The following TENM2 variants were observed in gnomAD, a reference collection of about 807,000 sequenced individuals.
The protein encoded by TENM2 is teneurin transmembrane protein 2.
In TENM2, 52 loss-of-function variants were observed where a neutral mutation model predicts 245.2. The ratio of observed to expected loss-of-function variants is 0.21; its 90% CI spans 0.17 to 0.27. The LOEUF (loss-of-function observed/expected upper bound fraction) is 0.27. Ranked by LOEUF, TENM2 falls within the 10% of genes least tolerant of loss-of-function variation. The pLI is 1.00. For missense variants in TENM2, 3,046 were observed against 3,666.8 expected (o/e 0.83, Z 4.37); for synonymous variants, 1,363 against 1,438.9 (o/e 0.95, Z 1.19).
At chr5:167,286,337 G>T (rs942927287) in intron 1 of TENM2, among the ~76,000 whole-genome samples, 1 of 152,118 alleles carries the variant, frequency 6.6e-6, no homozygotes, top group African/African-American at 2.4e-5. Flanking sequence ...CCTCCTCCAT[G>T]AGAAAATGGG....
At chr5:167,078,530 C>T in the TENM2 span, among the ~76,000 whole-genome samples, 5 of 149,732 alleles carry the variant, frequency 3.3e-5, no homozygotes, top group Non-Finnish European at 5.9e-5. Flanking sequence ...CAACAAGGCA[C>T]GTTAATAAGG....
chr5:167,766,722 C>T (rs1763048373), intron 2 of TENM2, among the ~76,000 whole-genome samples: 1 of 151,568 alleles, frequency 6.6e-6, no homozygotes, highest in African/African-American at 2.4e-5. Flanking sequence ...ACTAAAAATA[C>T]AAAAAAATTA....
chr5:168,060,135 C>G lies in TENM2; in HGVS notation c.1310-1925C>G, dbSNP rs147708123. Among the ~76,000 whole-genome samples, 147 of 151,912 alleles carry G rather than the reference C, an allele frequency of 9.7e-4. 1 individual carries two copies. Among genetic ancestry groups the G allele is most frequent in the Middle Eastern group, 6.8e-3 (2 of 294 alleles). On this transcript the variant is annotated intron_variant, in intron 6 of 28. Coordinates refer to ENST00000518659, the Ensembl canonical transcript of TENM2. ...GGGTGTGGTGGCTCACAGAGGTAAT[C>G]CCAGCATTTTGGGAGGCCAAAGCTG... is the stretch of plus-strand genomic sequence containing the variant.
chr5:167,136,024 A>G, the TENM2 span, among the ~76,000 whole-genome samples: 1 of 152,332 alleles, frequency 6.6e-6, no homozygotes, highest in East Asian at 1.9e-4. Context: ...ACTTATTAGT[A>G]TATTACACAA....
the TENM2 span, among the ~76,000 whole-genome samples, chr5:167,278,804 A>C: frequency 1.6e-4 from 24 of 152,276 alleles, no homozygotes; most frequent in African/African-American, 5.8e-4. Flanking sequence ...TGCTTCAACT[A>C]TCAAAAAATT....
chr5:167,750,062 G>A (rs1373511125), intron 2 of TENM2, among the ~76,000 whole-genome samples: 1 of 152,144 alleles, frequency 6.6e-6, no homozygotes, highest in Non-Finnish European at 1.5e-5. Flanking sequence ...GCATACCGGG[G>A]TGAACTGCAG....
intron 23 of TENM2, among the ~76,000 whole-genome samples, chr5:168,223,750 C>T (rs1258330684): frequency 1.3e-5 from 2 of 152,142 alleles, no homozygotes; most frequent in African/African-American, 2.4e-5. Flanking sequence ...ATTACGGGCA[C>T]AAGCCACCAT....
intron 4 of TENM2, among the ~76,000 whole-genome samples, chr5:167,967,804 CTG>C (rs1174460104): frequency 3.9e-5 from 6 of 152,192 alleles, no homozygotes; most frequent in Non-Finnish European, 5.9e-5. Flanking sequence ...CCATCTCTGT[CTG>C]TGCTCTTTCA....
intron 2 of TENM2, among the ~76,000 whole-genome samples, chr5:167,549,386 A>C (rs1300110069): frequency 2.0e-5 from 3 of 152,226 alleles, no homozygotes; most frequent in Non-Finnish European, 4.4e-5. Flanking sequence ...ATCCAAGTTA[A>C]TTAAGTTTGA....
chr5:167,553,785 A>T (rs969764539), intron 2 of TENM2, among the ~76,000 whole-genome samples: 1 of 152,148 alleles, frequency 6.6e-6, no homozygotes, highest in East Asian at 1.9e-4. Flanking sequence ...GAGGGGAAAG[A>T]GGGGTTGACA....
chr5:167,458,785 G>A (rs76989130), intron 2 of TENM2, among the ~76,000 whole-genome samples: 2,971 of 152,138 alleles, frequency 0.02, 54 homozygotes, highest in East Asian at 0.069. Flanking sequence ...TATTATCCTC[G>A]ATTCACTGAT....
chr5:167,836,009 C>T (rs978986285), intron 2 of TENM2, among the ~76,000 whole-genome samples: 1 of 152,088 alleles, frequency 6.6e-6, no homozygotes, highest in Non-Finnish European at 1.5e-5. Context: ...TTTGAACCAG[C>T]CTGCACTACA....
In TENM2 at chr5:167,801,905, G is replaced by GACACACACACAC. The variant is rs10643504; in HGVS notation, c.503-74067_503-74056dup. Among the ~76,000 whole-genome samples, 1,297 of 149,372 alleles carry GACACACACACAC rather than the reference G, an allele frequency of 8.7e-3. 13 individuals carry two copies. Among genetic ancestry groups the GACACACACACAC allele is most frequent in the African/African-American group, 0.016 (655 of 40,800 alleles). ...CTGTAACAAAACATGCACACACACAGACACACACACACACACACACACACA... is the reference window on the plus strand; with the variant it reads ...CTGTAACAAAACATGCACACACACAGACACACACACACACACACACACACACACACACACACA... On this transcript the variant is annotated intron_variant, in intron 2 of 28. Transcript: ENST00000518659.
At chr5:167,022,611 T>G in the TENM2 span, among the ~76,000 whole-genome samples, 3 of 152,334 alleles carry the variant, frequency 2.0e-5, no homozygotes, top group Admixed American at 1.3e-4. Context: ...CTTCTAAAAT[T>G]TGGAAGATTT....
chr5:167,721,840 C>T (rs1759652352), intron 2 of TENM2, among the ~76,000 whole-genome samples: 1 of 152,176 alleles, frequency 6.6e-6, no homozygotes, highest in African/African-American at 2.4e-5. Context: ...TATTTCCTTC[C>T]ATTTCCAATG....
chr5:167,707,013 TAAAA>T (rs34373602), intron 2 of TENM2, among the ~76,000 whole-genome samples: 5 of 70,054 alleles, frequency 7.1e-5, no homozygotes, highest in African/African-American at 1.6e-4. Flanking sequence ...AGACTCCGCC[TAAAA>T]AAAAAAAAAA....
chr5:167,943,726 G>A (rs1022871724), intron 3 of TENM2, among the ~76,000 whole-genome samples: 2 of 152,094 alleles, frequency 1.3e-5, no homozygotes, highest in African/African-American at 2.4e-5. Flanking sequence ...TCAACATAAC[G>A]TCTGGGCATA....
At chr5:167,898,380 C>G (rs1376366771) in intron 3 of TENM2, among the ~76,000 whole-genome samples, 3 of 152,106 alleles carry the variant, frequency 2.0e-5, no homozygotes, top group Non-Finnish European at 4.4e-5. Context: ...CTGAGAAGCA[C>G]TGATCTAGTA....
intron 3 of TENM2, among the ~76,000 whole-genome samples, chr5:167,919,587 G>A (rs1028444376): frequency 3.9e-5 from 6 of 152,186 alleles, no homozygotes; most frequent in African/African-American, 1.4e-4. Context: ...AGAACGGGAG[G>A]CGAAGAGGTA....
Sources: allele counts gnomAD v4.1 joint callset (sites outside exome capture counted in the v4.1 genomes callset), GRCh38; gene constraint gnomAD v4.1.1; transcripts MANE v1.5; gene names NCBI Gene and HGNC (gene_info 2026-07-23, HGNC 2026-07-21).